Variants in ZFAND4 observed in about 807,000 individuals in gnomAD.
ZFAND4 encodes AN1-type zinc finger protein 4.
ZFAND4 carries 43 observed loss-of-function variants against 64.4 expected under a neutral mutation model. The observed-to-expected ratio is 0.67, with a 90% CI of 0.52 to 0.86. The LOEUF (loss-of-function observed/expected upper bound fraction) is 0.86, where lower values mean the gene tolerates loss of function less well. ZFAND4 is among the 40% of genes least tolerant of loss of function. ZFAND4 has a pLI of 0.00. For synonymous variants in ZFAND4, 296 were observed against 305.7 expected (o/e 0.97, Z 0.33); for missense variants, 929 against 859.8 (o/e 1.08, Z -1.01).
chr10:45,665,579 C>T (rs1336050734), intron 1 of ZFAND4, among the ~76,000 whole-genome samples: 1 of 152,078 alleles, frequency 6.6e-6, no homozygotes, highest in East Asian at 1.9e-4. Flanking sequence ...ATATAATTCA[C>T]ATGCCATAAA....
chr10:45,655,884 C>CA (rs1261349323), intron 2 of ZFAND4, among the ~76,000 whole-genome samples: 2 of 152,022 alleles, frequency 1.3e-5, no homozygotes, highest in African/African-American at 2.4e-5. Flanking sequence ...TTGCAAACAA[C>CA]AAAAAAAGCC....
chr10:45,645,230 A>T (rs2047298553), intron 5 of ZFAND4, among the ~76,000 whole-genome samples: 1 of 152,148 alleles, frequency 6.6e-6, no homozygotes, highest in South Asian at 2.1e-4. Context: ...ACCTTCCAAA[A>T]GTGCTGGGAT....
In ZFAND4 at chr10:45,651,544, T is replaced by C. The variant is rs548551791; in HGVS notation, c.328+422A>G. 1.7e-4 allele frequency: 82 copies of C among 470,466 alleles called. 1 individual carries two copies. Among genetic ancestry groups the C allele is most frequent in the South Asian group, 1.2e-3 (78 of 64,488 alleles). 29.1% of individuals were successfully genotyped at this position (470,466 alleles called of 1,614,324 possible). A position where few individuals can be genotyped will look rare whatever the true frequency, so the allele number is the denominator to read the frequency against. On this transcript the variant is annotated intron_variant, in intron 4 of 9. Transcript: ENST00000344646. ...GCAACCGGGGCCATGATAATATCCATGAAACCCAGACACATCACAAACCAG... is the reference window on the plus strand; with the variant it reads ...GCAACCGGGGCCATGATAATATCCACGAAACCCAGACACATCACAAACCAG...
chr10:45,642,176 A>G (rs1188649994), intron 5 of ZFAND4, among the ~76,000 whole-genome samples: 1 of 152,198 alleles, frequency 6.6e-6, no homozygotes, highest in Non-Finnish European at 1.5e-5. Flanking sequence ...CTTCTGAGTT[A>G]CTCTGTGGCA....
chr10:45,656,651 ATACAGATAATGC>A lies in ZFAND4; in HGVS notation c.185-3604_185-3593del, dbSNP rs1179524621. ...GAAAAGACGCTTCACCAAAAAAGATATACAGATAATGCAACAGACTGAATGTTTGTATTCCCC... is the reference window on the plus strand; with the variant it reads ...GAAAAGACGCTTCACCAAAAAAGATAAACAGACTGAATGTTTGTATTCCCC... On this transcript the variant is annotated intron_variant, in intron 2 of 9. Transcript: ENST00000344646. Among the ~76,000 whole-genome samples the A allele has an allele frequency of 2.0e-5, 3 of 152,178 alleles. 1 individual carries two copies. The highest frequency in any genetic ancestry group is 7.2e-5 in the African/African-American group (3 of 41,450).
At chr10:45,644,953 T>C (rs148816913) in intron 5 of ZFAND4, among the ~76,000 whole-genome samples, 1 of 151,538 alleles carries the variant, frequency 6.6e-6, no homozygotes, top group Non-Finnish European at 1.5e-5. Context: ...GACAAATTTA[T>C]AGTTAGTGAA....
At chr10:45,642,174 TTA>T (rs2047045862) in intron 5 of ZFAND4, among the ~76,000 whole-genome samples, 1 of 152,194 alleles carries the variant, frequency 6.6e-6, no homozygotes, top group Non-Finnish European at 1.5e-5. Flanking sequence ...TACTTCTGAG[TTA>T]CTCTGTGGCA....
chr10:45,668,418 C>T (rs2048971121), intron 1 of ZFAND4, among the ~76,000 whole-genome samples: 1 of 152,210 alleles, frequency 6.6e-6, no homozygotes, highest in Non-Finnish European at 1.5e-5. Context: ...GTACCAGCCA[C>T]TGCAAAAACA....
rs781167776 is a variant in ZFAND4 at position 45,616,545 on chromosome 10, T to A, written c.2075A>T (p.His692Leu). 6.2e-7 allele frequency: 1 copy of A among 1,612,684 alleles called. No individual in the cohort carries two copies. Among genetic ancestry groups the A allele is most frequent in the Non-Finnish European group, 8.5e-7 (1 of 1,178,776 alleles). ...CRCGNNFCAS[H>L]RYAETHGCTY... ...ACAGCCATGAGTTTCTGCATAACGA[T>A]GAGATGCACAGAAGTTGTTTCCACA... is the stretch of plus-strand genomic sequence containing the variant. Residue 692 changes from histidine (H) to leucine (L), a missense_variant, in exon 10 of 10, where the codon CAT becomes CTT. Physicochemically the swap from His to Leu is moderately conservative, Grantham distance 99. Transcript: ENST00000344646.
chr10:45,622,653 G>C (rs1282884122), intron 8 of ZFAND4, among the ~76,000 whole-genome samples: 2 of 152,210 alleles, frequency 1.3e-5, no homozygotes, highest in Non-Finnish European at 2.9e-5. Context: ...CTTCCTGAAA[G>C]TCAGGGTTGG....
chr10:45,624,288 A>G (rs1026838564), intron 8 of ZFAND4, among the ~76,000 whole-genome samples: 5 of 152,264 alleles, frequency 3.3e-5, no homozygotes, highest in Non-Finnish European at 5.9e-5. Context: ...GTGGCCAGCA[A>G]CTAAGGTGGT....
intron 6 of ZFAND4, among the ~76,000 whole-genome samples, chr10:45,635,542 T>C (rs1220895003): frequency 4.6e-5 from 7 of 151,602 alleles, no homozygotes. Context: ...AAGACTTAAC[T>C]CTAAGATCTG....
At chr10:45,648,672 T>C (rs1003612918) in intron 4 of ZFAND4, 138 bp from the exon 5 acceptor site, 45 of 983,188 alleles carry the variant, frequency 4.6e-5, no homozygotes, top group Non-Finnish European at 6.1e-5. Context: ...TCAAATAAGT[T>C]TCTGATCTTT....
chr10:45,616,464 A>G lies in ZFAND4; in HGVS notation c.2156T>C (p.Val719Ala). Reference protein sequence around the residue: ...RRYLHEANPVVNAPKLPKI With the variant: ...RRYLHEANPVANAPKLPKI ...GATTTTTGGAAGCTTTGGTGCATTA[A>G]CCACAGGATTTGCCTCGTGCAAGTA... Residue 719 changes from valine (V) to alanine (A), a missense_variant, in exon 10 of 10, where the codon GTT becomes GCT. Transcript: ENST00000344646. 6.2e-7 allele frequency: 1 copy of G among 1,614,146 alleles called. No individual in the cohort carries two copies. Among genetic ancestry groups the G allele is most frequent in the Non-Finnish European group, 8.5e-7 (1 of 1,180,020 alleles).
chr10:45,662,295 T>C (rs1185931881), intron 2 of ZFAND4, among the ~76,000 whole-genome samples: 2 of 152,186 alleles, frequency 1.3e-5, no homozygotes, highest in Non-Finnish European at 2.9e-5. Context: ...ATAACTTGGC[T>C]CTGGTTCTGA....
At chr10:45,651,589 A>C in intron 4 of ZFAND4, 1 of 472,804 alleles carries the variant, frequency 2.1e-6, no homozygotes, top group Non-Finnish European at 4.4e-6. Context: ...CAATGTTGGA[A>C]TTTTGCAAAA....
chr10:45,663,311 T>C (rs1057362656), intron 2 of ZFAND4, among the ~76,000 whole-genome samples: 4 of 152,166 alleles, frequency 2.6e-5, no homozygotes, highest in African/African-American at 7.2e-5. Flanking sequence ...TTTCACACCA[T>C]AGCATGATGC....
At chr10:45,653,176 T>A in intron 2 of ZFAND4, 117 bp from the exon 3 acceptor site, 1 of 739,348 alleles carries the variant, frequency 1.4e-6, no homozygotes, top group Non-Finnish European at 2.2e-6. Flanking sequence ...AACATTCTTC[T>A]AAATTGAATG....
rs537864807 is a variant in ZFAND4, at chr10:45,632,691, C to CA, written c.718-5587dup. ...TGAAATACCAAAAAATACACCCTTACACATTCATATATACAGATACACACA... is the reference window on the plus strand; with the variant it reads ...TGAAATACCAAAAAATACACCCTTACAACATTCATATATACAGATACACACA... On this transcript the variant is annotated intron_variant, in intron 6 of 9. Transcript: ENST00000344646. Among the ~76,000 whole-genome samples, 245 of 152,240 alleles carry CA rather than the reference C, an allele frequency of 1.6e-3. 2 individuals are homozygous for CA. Among genetic ancestry groups the CA allele is most frequent in the African/African-American group, 5.7e-3 (238 of 41,578 alleles).
Sources: allele counts gnomAD v4.1 joint callset (sites outside exome capture counted in the v4.1 genomes callset), GRCh38; gene constraint gnomAD v4.1.1; transcripts MANE v1.5; gene names NCBI Gene and HGNC (gene_info 2026-07-23, HGNC 2026-07-21).